The following NRXN3 variants were observed in gnomAD, a reference collection of about 807,000 sequenced individuals.
NRXN3 encodes the protein neurexin 3.
In NRXN3, 32 loss-of-function variants were observed where a neutral mutation model predicts 137.6. That is an observed-to-expected ratio of 0.23 (90% confidence interval 0.18 to 0.31). The LOEUF is 0.31. NRXN3 is among the 10% of genes least tolerant of loss of function. The probability of loss-of-function intolerance (pLI) is 1.00; values close to 1 mark genes in which losing one functional copy is unlikely to be tolerated. For missense variants in NRXN3, 1,574 were observed against 2,062.5 expected, an observed-to-expected ratio of 0.76 and a Z score of 4.59; for synonymous variants, 798 against 784.5, an observed-to-expected ratio of 1.02 and a Z score of -0.29.
At chr14:79,165,155 A>C (rs1238182875) in intron 15 of NRXN3, among the ~76,000 whole-genome samples, 1 of 152,006 alleles carries the variant, frequency 6.6e-6, no homozygotes, top group Non-Finnish European at 1.5e-5. Flanking sequence ...GCCTATGAAG[A>C]ATAATCTATT....
At chr14:78,997,637 T>C (rs1430671519) in intron 15 of NRXN3, among the ~76,000 whole-genome samples, 1 of 152,202 alleles carries the variant, frequency 6.6e-6, no homozygotes, top group Non-Finnish European at 1.5e-5. Flanking sequence ...TACTTTCTTT[T>C]TAGGGAAGGA....
At chr14:79,096,678 A>G (rs1248480309) in intron 15 of NRXN3, among the ~76,000 whole-genome samples, 16 of 151,880 alleles carry the variant, frequency 1.1e-4, no homozygotes, top group Admixed American at 6.6e-5. Flanking sequence ...CTGTGACCCA[A>G]TCGCCAGAGC....
chr14:79,687,169 C>A (rs543848415), intron 17 of NRXN3, among the ~76,000 whole-genome samples: 1 of 152,316 alleles, frequency 6.6e-6, no homozygotes, highest in Admixed American at 6.5e-5. Context: ...GCATTTTGAG[C>A]TCCTTGGTCG....
At chr14:79,566,507 G>A (rs2097551802) in intron 16 of NRXN3, among the ~76,000 whole-genome samples, 1 of 152,018 alleles carries the variant, frequency 6.6e-6, no homozygotes, top group Non-Finnish European at 1.5e-5. Flanking sequence ...TTGCCCCCAT[G>A]GAGAAGCATG....
intron 4 of NRXN3, among the ~76,000 whole-genome samples, chr14:78,313,202 CT>C (rs1436214563): frequency 6.6e-6 from 1 of 152,330 alleles, no homozygotes; most frequent in East Asian, 1.9e-4. Context: ...GATTCACAGG[CT>C]TACTGTCTCT....
chr14:79,770,187 A>T (rs1157291719), intron 19 of NRXN3, among the ~76,000 whole-genome samples: 1 of 152,014 alleles, frequency 6.6e-6, no homozygotes, highest in African/African-American at 2.4e-5. Context: ...AGATTTTAAC[A>T]CCCCACTGTT....
At chr14:79,688,761 A>T (rs959824777) in intron 17 of NRXN3, among the ~76,000 whole-genome samples, 1 of 152,162 alleles carries the variant, frequency 6.6e-6, no homozygotes, top group Non-Finnish European at 1.5e-5. Context: ...TCCACAGTGC[A>T]TGTGCTTGTT....
At chr14:79,037,832 C>A (rs754759528) in intron 15 of NRXN3, among the ~76,000 whole-genome samples, 1 of 152,068 alleles carries the variant, frequency 6.6e-6, no homozygotes, top group Non-Finnish European at 1.5e-5. Flanking sequence ...GTGTCGCTCG[C>A]TTATGATGGC....
intron 16 of NRXN3, among the ~76,000 whole-genome samples, chr14:79,481,659 C>T (rs1465311019): frequency 6.6e-6 from 1 of 152,112 alleles, no homozygotes; most frequent in Non-Finnish European, 1.5e-5. Flanking sequence ...CAGATGGAGC[C>T]AATTTATCAA....
intron 4 of NRXN3, among the ~76,000 whole-genome samples, chr14:78,464,308 G>A (rs1318902862): frequency 1.3e-5 from 2 of 152,112 alleles, no homozygotes; most frequent in Non-Finnish European, 1.5e-5. Flanking sequence ...CGCCTGTCTC[G>A]GCCTTCCAAA....
chr14:78,838,764 G>T (rs1271037994), intron 10 of NRXN3, among the ~76,000 whole-genome samples: 1 of 151,992 alleles, frequency 6.6e-6, no homozygotes, highest in African/African-American at 2.4e-5. Flanking sequence ...TGCAATTCTG[G>T]GGACAGTTCC....
intron 4 of NRXN3, among the ~76,000 whole-genome samples, chr14:78,384,197 G>T (rs754242967): frequency 3.3e-5 from 5 of 152,116 alleles, no homozygotes; most frequent in Non-Finnish European, 7.3e-5. Flanking sequence ...CTGCCACTCT[G>T]AATATATTTG....
At chr14:79,557,756 T>C (rs558816311) in intron 16 of NRXN3, among the ~76,000 whole-genome samples, 1 of 152,294 alleles carries the variant, frequency 6.6e-6, no homozygotes, top group East Asian at 1.9e-4. Context: ...TGGCAGTTGC[T>C]GGAGGTTGGG....
chr14:78,832,010 A>G (rs1406148020), intron 10 of NRXN3, among the ~76,000 whole-genome samples: 1 of 152,122 alleles, frequency 6.6e-6, no homozygotes, highest in Non-Finnish European at 1.5e-5. Flanking sequence ...AGAGGAGGAC[A>G]AAAAGGTTAA....
chr14:78,957,536 C>G (rs1257019737), intron 11 of NRXN3, among the ~76,000 whole-genome samples, 175 bp downstream of exon 11: 1 of 152,152 alleles, frequency 6.6e-6, no homozygotes, highest in Non-Finnish European at 1.5e-5. Flanking sequence ...TTTTACAATA[C>G]CTTTTCATCA....
chr14:79,161,450 A>G (rs1295262421), intron 15 of NRXN3, among the ~76,000 whole-genome samples: 1 of 152,000 alleles, frequency 6.6e-6, no homozygotes, highest in African/African-American at 2.4e-5. Context: ...ACATTCTCCA[A>G]TGCAGATCAC....
intron 15 of NRXN3, among the ~76,000 whole-genome samples, chr14:79,241,109 A>G (rs1425951098): frequency 2.6e-5 from 4 of 152,092 alleles, no homozygotes; most frequent in East Asian, 1.9e-4. Flanking sequence ...AATAGTTGCT[A>G]TTTACCAGAT....
At chr14:79,139,627 A>G (rs914326252) in intron 15 of NRXN3, among the ~76,000 whole-genome samples, 1 of 152,030 alleles carries the variant, frequency 6.6e-6, no homozygotes, top group Admixed American at 6.6e-5. Context: ...CATTGACCAT[A>G]TATGTCTTTA....
At chr14:78,554,880 A>G (rs2096723952) in intron 4 of NRXN3, among the ~76,000 whole-genome samples, 1 of 152,152 alleles carries the variant, frequency 6.6e-6, no homozygotes, top group South Asian at 2.1e-4. Flanking sequence ...CTTGACAGGT[A>G]TCTAAATCCT....
Sources: allele counts gnomAD v4.1 joint callset (sites outside exome capture counted in the v4.1 genomes callset), GRCh38; gene constraint gnomAD v4.1.1; transcripts MANE v1.5; gene names NCBI Gene and HGNC (gene_info 2026-07-23, HGNC 2026-07-21).